The following HDAC9 variants were observed in gnomAD, a reference collection of about 807,000 sequenced individuals.
HDAC9 encodes the protein MEF-2 interacting transcription repressor (MITR) protein.
A neutral mutation model predicts 139.4 loss-of-function variants in HDAC9; 41 were observed. That is an observed-to-expected ratio of 0.29 (90% CI 0.23 to 0.38). The LOEUF is 0.38. HDAC9 is among the 10% of genes least tolerant of loss of function. The probability of loss-of-function intolerance (pLI) is 1.00; values close to 1 mark genes in which losing one functional copy is unlikely to be tolerated. For missense variants in HDAC9, 1,147 were observed against 1,297.0 expected (o/e 0.88, Z 1.78); for synonymous variants, 517 against 476.2 (o/e 1.09, Z -1.12).
chr7:18,605,759 C>A (rs1835292295), intron 6 of HDAC9, among the ~76,000 whole-genome samples: 1 of 152,132 alleles, frequency 6.6e-6, no homozygotes, highest in South Asian at 2.1e-4. Flanking sequence ...CGGCTCACTG[C>A]AAGCTCCGCC....
At chr7:18,189,949 G>A (rs1217349015) in intron 2 of HDAC9, among the ~76,000 whole-genome samples, 3 of 148,580 alleles carry the variant, frequency 2.0e-5, no homozygotes, top group Non-Finnish European at 4.5e-5. Flanking sequence ...GTGTGTGTGT[G>A]TACGTTTGAG....
chr7:18,377,515 C>T (rs968466331), intron 1 of HDAC9, among the ~76,000 whole-genome samples: 9 of 152,068 alleles, frequency 5.9e-5, no homozygotes, highest in African/African-American at 2.2e-4. Context: ...GAAATAAACT[C>T]GTTATCCATA....
chr7:18,469,158 A>T (rs1794533323), intron 1 of HDAC9, among the ~76,000 whole-genome samples: 1 of 152,192 alleles, frequency 6.6e-6, no homozygotes, highest in Non-Finnish European at 1.5e-5. Flanking sequence ...ACTAAATCAA[A>T]CCTGTGGGAA....
intron 2 of HDAC9, among the ~76,000 whole-genome samples, chr7:18,170,152 C>T (rs1788313300): frequency 6.6e-6 from 1 of 152,194 alleles, no homozygotes; most frequent in Admixed American, 6.5e-5. Context: ...GATTGCCATT[C>T]TAACTGGTGT....
At chr7:18,400,614 G>A (rs1385496321) in intron 1 of HDAC9, among the ~76,000 whole-genome samples, 1 of 152,192 alleles carries the variant, frequency 6.6e-6, no homozygotes, top group African/African-American at 2.4e-5. Context: ...TGGAATGGGA[G>A]CAGATGCTGA....
intron 6 of HDAC9, among the ~76,000 whole-genome samples, chr7:18,603,364 TA>T (rs1489884914): frequency 2.6e-5 from 4 of 152,140 alleles, no homozygotes; most frequent in East Asian, 1.9e-4. Context: ...TTTACTTTTT[TA>T]AAAAAATATT....
intron 1 of HDAC9, among the ~76,000 whole-genome samples, chr7:18,370,626 G>C (rs981406339): frequency 1.3e-5 from 2 of 152,176 alleles, no homozygotes; most frequent in Admixed American, 1.3e-4. Context: ...TGCTCTGTAA[G>C]GAGCATATTC....
At chr7:18,537,280 G>A (rs926908794) in intron 2 of HDAC9, among the ~76,000 whole-genome samples, 1 of 152,130 alleles carries the variant, frequency 6.6e-6, no homozygotes, top group Non-Finnish European at 1.5e-5. Flanking sequence ...ATCTGTTATC[G>A]TTGTTGTTTC....
At chr7:18,129,914 T>G (rs1784900094) in intron 1 of HDAC9, among the ~76,000 whole-genome samples, 1 of 152,104 alleles carries the variant, frequency 6.6e-6, no homozygotes, top group Admixed American at 6.6e-5. Flanking sequence ...TGTCACCCAC[T>G]CTAGAATGGA....
At chr7:18,447,852 G>A (rs1390800971) in intron 1 of HDAC9, among the ~76,000 whole-genome samples, 1 of 152,078 alleles carries the variant, frequency 6.6e-6, no homozygotes, top group Non-Finnish European at 1.5e-5. Context: ...TATACAAAGG[G>A]GAGTGGTTAA....
At chr7:18,533,170 T>G (rs1809619617) in intron 2 of HDAC9, among the ~76,000 whole-genome samples, 1 of 152,194 alleles carries the variant, frequency 6.6e-6, no homozygotes, top group South Asian at 2.1e-4. Flanking sequence ...ATTTATCTGG[T>G]TTTGTATACT....
intron 21 of HDAC9, among the ~76,000 whole-genome samples, chr7:18,857,989 A>C (rs143595064): frequency 3.9e-5 from 6 of 152,304 alleles, no homozygotes; most frequent in Admixed American, 2.0e-4. Context: ...TATTTGGTCT[A>C]AAACAAATAC....
chr7:18,172,619 T>G (rs1159894740), intron 2 of HDAC9, among the ~76,000 whole-genome samples: 1 of 152,228 alleles, frequency 6.6e-6, no homozygotes, highest in East Asian at 1.9e-4. Flanking sequence ...CACACTGCTT[T>G]AAATGTGTCC....
intron 22 of HDAC9, among the ~76,000 whole-genome samples, chr7:18,908,423 G>A (rs997427581): frequency 6.6e-6 from 1 of 151,944 alleles, no homozygotes; most frequent in African/African-American, 2.4e-5. Context: ...TCTAGCTATT[G>A]GAAAACAGAA....
At chr7:18,713,854 T>C (rs1463686398) in intron 12 of HDAC9, among the ~76,000 whole-genome samples, 1 of 152,050 alleles carries the variant, frequency 6.6e-6, no homozygotes, top group Middle Eastern at 3.2e-3. Flanking sequence ...AAGGCAGAAG[T>C]TTGGCTCAAT....
chr7:18,340,774 A>T (rs1044792599), intron 1 of HDAC9, among the ~76,000 whole-genome samples: 2 of 151,624 alleles, frequency 1.3e-5, no homozygotes, highest in Non-Finnish European at 3.0e-5. Flanking sequence ...TTAAATAATT[A>T]AAAATGTTTA....
chr7:18,984,662 T>A (rs577195898), intron 25 of HDAC9, among the ~76,000 whole-genome samples: 1 of 152,064 alleles, frequency 6.6e-6, no homozygotes, highest in Non-Finnish European at 1.5e-5. Context: ...ATTCATGAAA[T>A]ATCAATGAAA....
At chr7:18,900,849 AC>A (rs1801638826) in intron 22 of HDAC9, among the ~76,000 whole-genome samples, 1 of 152,136 alleles carries the variant, frequency 6.6e-6, no homozygotes, top group South Asian at 2.1e-4. Flanking sequence ...GTGTATAGAT[AC>A]CACTGGATGC....
intron 2 of HDAC9, among the ~76,000 whole-genome samples, chr7:18,522,601 A>AC (rs1279142683): frequency 1.9e-4 from 29 of 151,036 alleles, no homozygotes; most frequent in African/African-American, 5.9e-4. Flanking sequence ...TTTTAAAAAA[A>AC]ACAAAAAACA....
Sources: allele counts gnomAD v4.1 joint callset (sites outside exome capture counted in the v4.1 genomes callset), GRCh38; gene constraint gnomAD v4.1.1; transcripts MANE v1.5; gene names NCBI Gene and HGNC (gene_info 2026-07-23, HGNC 2026-07-21).